The following SSTR2 variants were observed in gnomAD, a reference collection of about 807,000 sequenced individuals.
SSTR2 encodes somatostatin receptor type 2.
SSTR2 carries 10 observed loss-of-function variants against 21.4 expected under a neutral mutation model. The observed-to-expected ratio is 0.47, with a 90% confidence interval of 0.29 to 0.79. The LOEUF is 0.79. Among genes scored for constraint, SSTR2 ranks in the 30% least tolerant of loss-of-function variants. The pLI is 0.10. For synonymous variants in SSTR2, 177 were observed against 181.3 expected, an observed-to-expected ratio of 0.98 and a Z score of 0.19; for missense variants, 364 against 468.8, an observed-to-expected ratio of 0.78 and a Z score of 2.06.
At position 73,170,489 on chromosome 17, in the gene SSTR2, A is replaced by G. The variant is rs1156790400; in HGVS notation, c.*60A>G. 5.1e-6 allele frequency: 8 copies of G among 1,581,666 alleles called. No individual in the cohort carries two copies. Among genetic ancestry groups the G allele is most frequent in the Non-Finnish European group, 6.9e-6 (8 of 1,162,512 alleles). ...TCTGTCTACTGGCAATGGGCTCCCT[A>G]CCCACACTGGCTTCCTGCCTCCCAC... On this transcript the variant is annotated 3_prime_UTR_variant, in exon 2 of 2. Transcript: ENST00000357585.
At chr17:73,165,818 G>A (rs2061214167) in intron 1 of SSTR2, among the ~76,000 whole-genome samples, 2 of 151,028 alleles carry the variant, frequency 1.3e-5, no homozygotes, top group Admixed American at 1.3e-4. Flanking sequence ...CCCCCACCTC[G>A]GGACAGAAAG....
chr17:73,165,112 C>G lies in SSTR2; in HGVS notation c.-269C>G, dbSNP rs2061211206. The G allele has an allele frequency of 6.6e-6, 1 of 152,134 alleles. No homozygotes were observed. Among genetic ancestry groups the G allele is most frequent in the Non-Finnish European group, 1.5e-5 (1 of 68,058 alleles). 9.4% of individuals were successfully genotyped at this position (152,134 alleles called of 1,614,324 possible). On this transcript the variant is annotated 5_prime_UTR_variant, in exon 1 of 2. Coordinates refer to ENST00000357585, the MANE Select transcript of SSTR2 (RefSeq NM_001050.3). ...GCCGGGGGTCTGCGGGCGAGGGGAG[C>G]TCTCTACGTGCGAGGGGCTAGCGGG...
chr17:73,171,310 G>C lies in SSTR2; in HGVS notation c.*881G>C, dbSNP rs547122366. ...CCATCATTGTATTTATCAAGACAAA[G>C]CCAACTTTGTTATAAGATTGCATTT... On this transcript the variant is annotated 3_prime_UTR_variant, in exon 2 of 2. Coordinates refer to ENST00000357585, the MANE Select transcript of SSTR2 (RefSeq NM_001050.3). 1 of 166,502 alleles carries C rather than the reference G, an allele frequency of 6.0e-6. No homozygotes were observed. The highest frequency in any genetic ancestry group is 2.1e-4 in the South Asian group (1 of 4,826). The allele number at this position is 166,502 out of a possible 1,614,324, so 10.3% of individuals were successfully genotyped here.
At chr17:73,165,577 C>G (rs1349053196) in intron 1 of SSTR2, among the ~76,000 whole-genome samples, 1 of 152,014 alleles carries the variant, frequency 6.6e-6, no homozygotes, top group Non-Finnish European at 1.5e-5. Flanking sequence ...GTGTGCGTGG[C>G]GTGTGCCCTT....
At position 73,172,324 on chromosome 17, in the gene SSTR2, G is replaced by A. The variant is rs951082146; in HGVS notation, c.*1895G>A. ...GAAATACACACCTGGGTGTCTGCAA[G>A]GATGTCATCATCTTTGGGTTTCATC... is the stretch of plus-strand genomic sequence containing the variant. On this transcript the variant is annotated 3_prime_UTR_variant, in exon 2 of 2. Coordinates refer to ENST00000357585, the MANE Select transcript of SSTR2 (RefSeq NM_001050.3). 1.3e-5 allele frequency: 2 copies of A among 152,170 alleles called. No homozygotes were observed. Among genetic ancestry groups the A allele is most frequent in the African/African-American group, 4.8e-5 (2 of 41,428 alleles). 9.4% of individuals were successfully genotyped at this position (152,170 alleles called of 1,614,324 possible).
At position 73,170,453 on chromosome 17, in the gene SSTR2, C is replaced by T; in HGVS notation, c.*24C>T. 6.2e-7 allele frequency: 1 copy of T among 1,603,804 alleles called. No homozygotes were observed. The highest frequency in any genetic ancestry group is 8.5e-7 in the Non-Finnish European group (1 of 1,174,000). ...GAACTGCTTGGGGGGTGGGAAAGAA[C>T]CAAGCCATGCTCTGTCTACTGGCAA... On this transcript the variant is annotated 3_prime_UTR_variant, in exon 2 of 2. Coordinates refer to ENST00000357585, the MANE Select transcript of SSTR2 (RefSeq NM_001050.3).
intron 1 of SSTR2, among the ~76,000 whole-genome samples, chr17:73,165,528 AGT>A (rs547448219): frequency 3.9e-4 from 60 of 151,954 alleles, no homozygotes; most frequent in African/African-American, 1.3e-3. Context: ...CTGTGGGTAG[AGT>A]GTGCTGGAAC....
In SSTR2 at chr17:73,176,545, T is replaced by A. The variant is rs2061249395; in HGVS notation, c.*6116T>A. 6.6e-6 allele frequency: 1 copy of A among 152,262 alleles called. No homozygotes were observed. Among genetic ancestry groups the A allele is most frequent in the African/African-American group, 2.4e-5 (1 of 41,468 alleles). The allele number at this position is 152,262 out of a possible 1,614,324, so 9.4% of individuals were successfully genotyped here. On this transcript the variant is annotated 3_prime_UTR_variant, in exon 2 of 2. Transcript: ENST00000357585. ...GCCATGCGAAGAAGGATGTGTTTGC[T>A]TCCCCTTCTGCCATGATTGTAAGTT...
In SSTR2 at chr17:73,170,562, A is replaced by G. The variant is rs7220818; in HGVS notation, c.*133A>G. Reference sequence around the variant, plus strand: ...TAGAGGATTGCTCAGCATGAGTCCAATTCAGAGAACGGTGTTTGAGTCAGC... The same window carrying G: ...TAGAGGATTGCTCAGCATGAGTCCAGTTCAGAGAACGGTGTTTGAGTCAGC... On this transcript the variant is annotated 3_prime_UTR_variant, in exon 2 of 2. Transcript: ENST00000357585. 302,947 of 1,144,846 alleles carry G rather than the reference A, an allele frequency of 0.26. 43,242 individuals are homozygous for G. The highest frequency in any genetic ancestry group is 0.42 in the Admixed American group (21,451 of 50,474). 70.9% of individuals were successfully genotyped at this position (1,144,846 alleles called of 1,614,324 possible).
rs1568284809 is a variant in SSTR2 at position 73,165,297 on chromosome 17, T to TGG, written c.-93+10_-93+11insGG. 1 of 50,840 alleles carries TGG rather than the reference T, an allele frequency of 2.0e-5. No individual in the cohort carries two copies. The highest frequency in any genetic ancestry group is 4.6e-5 in the Non-Finnish European group (1 of 21,900). The allele number at this position is 50,840 out of a possible 1,614,324, so 3.1% of individuals were successfully genotyped here. A position where few individuals can be genotyped will look rare whatever the true frequency, so the allele number is the denominator to read the frequency against. ...GCAGCGGAAAAGCAAAGGTGAGGGG[T>TGG]GTGTGTGTGTGTGTGTGTGTGTGTG... On this transcript the variant is annotated intron_variant, in intron 1 of 1. Coordinates refer to ENST00000357585, the MANE Select transcript of SSTR2 (RefSeq NM_001050.3).
intron 1 of SSTR2, among the ~76,000 whole-genome samples, chr17:73,166,036 GCA>G (rs899870652): frequency 1.3e-5 from 2 of 151,858 alleles, no homozygotes; most frequent in African/African-American, 2.4e-5. Context: ...CCTGGAAATG[GCA>G]CAGAGTTCTT....
In SSTR2 at chr17:73,176,089, G is replaced by A. The variant is rs1299034407; in HGVS notation, c.*5660G>A. ...AGGAAATCTGCTTGTCTTAAGAGAG[G>A]AAGACCCACGACCAGCTCTCTGGGA... On this transcript the variant is annotated 3_prime_UTR_variant, in exon 2 of 2. Coordinates refer to ENST00000357585, the MANE Select transcript of SSTR2 (RefSeq NM_001050.3). 1.3e-5 allele frequency: 2 copies of A among 152,148 alleles called. No homozygotes were observed. Among genetic ancestry groups the A allele is most frequent in the Admixed American group, 6.5e-5 (1 of 15,274 alleles). 9.4% of individuals were successfully genotyped at this position (152,148 alleles called of 1,614,324 possible).
rs2061212167 is a variant in SSTR2 at position 73,165,298 on chromosome 17, GTGTGTGTGTGTGT to G, written c.-93+11_-93+23del. On this transcript the variant is annotated intron_variant, in intron 1 of 1. Coordinates refer to ENST00000357585, the MANE Select transcript of SSTR2 (RefSeq NM_001050.3). The stretch of plus-strand genomic sequence containing the variant: ...CAGCGGAAAAGCAAAGGTGAGGGGT[GTGTGTGTGTGTGT>G]GTGTGTGTGTGTGTGTGTGTGTGTG... The G allele has an allele frequency of 3.0e-5, 2 of 66,344 alleles. No homozygotes were observed. Among genetic ancestry groups the G allele is most frequent in the Admixed American group, 1.7e-4 (1 of 5,852 alleles). 4.1% of individuals were successfully genotyped at this position (66,344 alleles called of 1,614,324 possible). A position where few individuals can be genotyped will look rare whatever the true frequency, so the allele number is the denominator to read the frequency against.
In SSTR2 at chr17:73,175,721, G is replaced by A. The variant is rs2061247330; in HGVS notation, c.*5292G>A. 1 of 152,194 alleles carries A rather than the reference G, an allele frequency of 6.6e-6. No homozygotes were observed. The highest frequency in any genetic ancestry group is 1.5e-5 in the Non-Finnish European group (1 of 68,052). 9.4% of individuals were successfully genotyped at this position (152,194 alleles called of 1,614,324 possible). ...CTAAGTTCATCTCCTGATCCTGCTA[G>A]GCCTGGAAGCAGGAAAGAAATGTCC... On this transcript the variant is annotated 3_prime_UTR_variant, in exon 2 of 2. Coordinates refer to ENST00000357585, the MANE Select transcript of SSTR2 (RefSeq NM_001050.3).
chr17:73,175,541 T>A lies in SSTR2; in HGVS notation c.*5112T>A, dbSNP rs1272045945. On this transcript the variant is annotated 3_prime_UTR_variant, in exon 2 of 2. Transcript: ENST00000357585. ...AACTCTTGACCTCAGGTGATCCGCC[T>A]GCCTCAGTGTCCCAAAGTGTTGGGA... 1 of 152,200 alleles carries A rather than the reference T, an allele frequency of 6.6e-6. No individual in the cohort carries two copies. Among genetic ancestry groups the A allele is most frequent in the East Asian group, 1.9e-4 (1 of 5,190 alleles). 9.4% of individuals were successfully genotyped at this position (152,200 alleles called of 1,614,324 possible).
chr17:73,165,636 C>A (rs2061213728), intron 1 of SSTR2, among the ~76,000 whole-genome samples: 1 of 151,814 alleles, frequency 6.6e-6, no homozygotes, highest in East Asian at 2.0e-4. Flanking sequence ...TCTCTCCCAG[C>A]CCCCTACAAA....
At chr17:73,168,716 A>G (rs2061224114) in intron 1 of SSTR2, among the ~76,000 whole-genome samples, 1 of 152,210 alleles carries the variant, frequency 6.6e-6, no homozygotes, top group South Asian at 2.1e-4. Context: ...CAGAACCATT[A>G]AGGACCAGGC....
chr17:73,166,751 C>T (rs2145066709), intron 1 of SSTR2, among the ~76,000 whole-genome samples: 1 of 152,274 alleles, frequency 6.6e-6, no homozygotes, highest in South Asian at 2.1e-4. Context: ...TCATTTCTTG[C>T]TTAGAGGAGC....
chr17:73,166,414 T>C (rs958449959), intron 1 of SSTR2, among the ~76,000 whole-genome samples: 9 of 119,902 alleles, frequency 7.5e-5, no homozygotes, highest in African/African-American at 3.0e-4. Flanking sequence ...ACTCATTTCT[T>C]GGGCTGGTAA....
Sources: allele counts gnomAD v4.1 joint callset (sites outside exome capture counted in the v4.1 genomes callset), GRCh38; gene constraint gnomAD v4.1.1; transcripts MANE v1.5; gene names NCBI Gene and HGNC (gene_info 2026-07-23, HGNC 2026-07-21).